The following SEC31A variants were observed in gnomAD, a reference collection of about 807,000 sequenced individuals.
The protein encoded by SEC31A is protein transport protein Sec31A.
SEC31A carries 70 observed loss-of-function variants against 151.0 expected under a neutral mutation model. The observed-to-expected ratio is 0.46, with a 90% CI of 0.38 to 0.57. The LOEUF (loss-of-function observed/expected upper bound fraction) is 0.57. Among genes scored for constraint, SEC31A ranks in the 20% least tolerant of loss-of-function variants. The pLI is 0.00. For missense variants in SEC31A, 1,330 were observed against 1,471.2 expected (o/e 0.90, Z 1.57); for synonymous variants, 475 against 505.9 (o/e 0.94, Z 0.82).
intron 21 of SEC31A, among the ~76,000 whole-genome samples, chr4:82,843,255 T>C (rs974624951): frequency 6.6e-6 from 1 of 151,960 alleles, no homozygotes; most frequent in Non-Finnish European, 1.5e-5. Context: ...CTCAGCCTCC[T>C]GAGTAGCTGG....
At chr4:82,840,085 C>T (rs1728395064) in intron 22 of SEC31A, among the ~76,000 whole-genome samples, 1 of 152,178 alleles carries the variant, frequency 6.6e-6, no homozygotes, top group South Asian at 2.1e-4. Context: ...TATATCTCAA[C>T]TTGGAGACTA....
chr4:82,887,253 G>A (rs1037484741), intron 1 of SEC31A, among the ~76,000 whole-genome samples: 15 of 152,162 alleles, frequency 9.9e-5, no homozygotes, highest in African/African-American at 3.6e-4. Context: ...ATTCATTAAT[G>A]CTTGGTTAAT....
intron 16 of SEC31A, among the ~76,000 whole-genome samples, chr4:82,855,762 G>A (rs188154619): frequency 6.6e-6 from 1 of 152,188 alleles, no homozygotes. Context: ...ACACATGGAG[G>A]GGAACAACAC....
intron 4 of SEC31A, among the ~76,000 whole-genome samples, chr4:82,876,341 C>T (rs1737958430): frequency 6.6e-6 from 1 of 152,122 alleles, no homozygotes; most frequent in Admixed American, 6.5e-5. Flanking sequence ...AACTCCTGAC[C>T]TCAGGTGATC....
rs544557022 is a variant in SEC31A at position 82,838,736 on chromosome 4, A to T, written c.2968+3404T>A. On this transcript the variant is annotated intron_variant, in intron 22 of 26. Coordinates refer to ENST00000395310, the MANE Select transcript of SEC31A (RefSeq NM_001077207.4). ...ATGTATGGTCTTTTCTGCCTCCATT[A>T]TCTCTGTCTGGGATAATTCTGATTG... Among the ~76,000 whole-genome samples the T allele has an allele frequency of 6.6e-5, 10 of 152,320 alleles. No individual in the cohort carries two copies. In the South Asian group the frequency reaches 2.1e-3, roughly 32 times the overall value.
At chr4:82,844,645 G>C (rs1027313541) in intron 20 of SEC31A, 136 bp from the exon 21 acceptor site, 1 of 853,926 alleles carries the variant, frequency 1.2e-6, no homozygotes, top group African/African-American at 1.7e-5. Flanking sequence ...ATTGCATTTT[G>C]CATATTCTAT....
At chr4:82,828,364 A>C (rs1725106484) in intron 23 of SEC31A, among the ~76,000 whole-genome samples, 1 of 152,216 alleles carries the variant, frequency 6.6e-6, no homozygotes, top group African/African-American at 2.4e-5. Flanking sequence ...AAAGTACTAA[A>C]TTCAGTTTCT....
chr4:82,819,031 CT>C lies in SEC31A; in HGVS notation c.*42del. The C allele has an allele frequency of 6.6e-7, 1 of 1,519,480 alleles. No individual in the cohort carries two copies. Among genetic ancestry groups the C allele is most frequent in the Non-Finnish European group, 8.8e-7 (1 of 1,130,222 alleles). The allele number at this position is 1,519,480 out of a possible 1,614,324, so 94.1% of individuals were successfully genotyped here. On this transcript the variant is annotated 3_prime_UTR_variant, in exon 27 of 27. Coordinates refer to ENST00000395310, the MANE Select transcript of SEC31A (RefSeq NM_001077207.4). ...TATAATTTTTTTTTTTAACATGTTT[CT>C]TTGGAAAAATGGCAATATTGAGTGG...
Position 82,854,967 on chromosome 4 carries a change from A to T in SEC31A, c.1944T>A (p.Asn648Lys). ...ATACTGCAGCTAAAGCCTCTCTCCAATTTTTAAGATCACAAGACTCAACAA... is the reference window on the plus strand; with the variant it reads ...ATACTGCAGCTAAAGCCTCTCTCCATTTTTTAAGATCACAAGACTCAACAA... ...KEIVESCDLK[N>K]WREALAAVLT... The change falls in exon 17 of 27, where the codon AAT becomes AAA. Residue 648 changes from asparagine to lysine, a missense_variant. Transcript: ENST00000395310. The T allele has an allele frequency of 6.2e-7, 1 of 1,613,954 alleles. No individual in the cohort carries two copies. Among genetic ancestry groups the T allele is most frequent in the African/African-American group, 1.3e-5 (1 of 75,044 alleles).
chr4:82,835,510 A>G (rs1186829424), intron 22 of SEC31A, among the ~76,000 whole-genome samples: 1 of 152,162 alleles, frequency 6.6e-6, no homozygotes, highest in Non-Finnish European at 1.5e-5. Flanking sequence ...TTAAGAAAAA[A>G]GTAAGGTCAG....
At chr4:82,825,308 C>T (rs938948493) in intron 24 of SEC31A, among the ~76,000 whole-genome samples, 1 of 152,208 alleles carries the variant, frequency 6.6e-6, no homozygotes, top group Non-Finnish European at 1.5e-5. Flanking sequence ...TGAGCCAATA[C>T]AGAAATGATC....
intron 14 of SEC31A, among the ~76,000 whole-genome samples, chr4:82,860,154 T>G (rs1733759986): frequency 1.3e-5 from 2 of 152,108 alleles, no homozygotes; most frequent in South Asian, 2.1e-4. Flanking sequence ...TTATCCTTAT[T>G]TATGGACTTC....
chr4:82,856,140 A>C (rs1732582078), intron 16 of SEC31A, among the ~76,000 whole-genome samples: 1 of 152,052 alleles, frequency 6.6e-6, no homozygotes, highest in Non-Finnish European at 1.5e-5. Context: ...GAAATATTAT[A>C]GAGCAATTAA....
chr4:82,828,673 C>CAAAAAAAAAAAAAAAAAAAAAAA (rs397994259), intron 23 of SEC31A, among the ~76,000 whole-genome samples: 54 of 44,078 alleles, frequency 1.2e-3, no homozygotes, highest in East Asian at 5.5e-3. Context: ...CAAAGTAACT[C>CAAAAAAAAAAAAAAAAAAAAAAA]AAAAAAAAAA....
chr4:82,864,243 T>C (rs1290129342), intron 11 of SEC31A, 119 bp downstream of exon 11: 5 of 722,700 alleles, frequency 6.9e-6, no homozygotes, highest in Non-Finnish European at 1.1e-5. Flanking sequence ...AATTTCATGA[T>C]GAATTGCTGA....
chr4:82,864,778 GT>G (rs747994924), intron 10 of SEC31A, among the ~76,000 whole-genome samples, 180 bp from the exon 11 acceptor site: 231 of 143,682 alleles, frequency 1.6e-3, no homozygotes, highest in South Asian at 6.2e-3. Context: ...TGGTTTTTTG[GT>G]TTTTTTTTTT....
intron 22 of SEC31A, among the ~76,000 whole-genome samples, chr4:82,833,420 A>G (rs1050924149): frequency 7.2e-5 from 11 of 152,148 alleles, no homozygotes; most frequent in Admixed American, 6.5e-4. Flanking sequence ...TAGGGGAGGG[A>G]TAACATTAGG....
chr4:82,819,190 A>C lies in SEC31A; in HGVS notation c.3547T>G (p.Ser1183Ala), dbSNP rs756453882. The change falls in exon 27 of 27, where the codon TCA (serine) becomes GCA (alanine). Residue 1183 changes from serine to alanine, a missense_variant. Physicochemically the swap from Ser to Ala is moderately conservative, Grantham distance 99. Transcript: ENST00000395310. ...TGGGTATGCATGGTCAATCCTTCTG[A>C]GTAGTTTCGAGTTTCAATGCTCCTT... is the stretch of plus-strand genomic sequence containing the variant. ...IARSIETRNY[S>A]EGLTMHTHIV... 6.2e-7 allele frequency: 1 copy of C among 1,612,092 alleles called. No individual in the cohort carries two copies. The highest frequency in any genetic ancestry group is 8.5e-7 in the Non-Finnish European group (1 of 1,179,088).
intron 22 of SEC31A, among the ~76,000 whole-genome samples, chr4:82,835,604 T>C (rs907131848): frequency 5.9e-5 from 9 of 152,306 alleles, no homozygotes; most frequent in Middle Eastern, 3.4e-3. Context: ...GAGACTAGCC[T>C]GACCAACATG....
Sources: gnomAD v4.1 joint callset for allele counts (sites outside exome capture counted in the v4.1 genomes callset) on GRCh38, gnomAD v4.1.1 for gene constraint, MANE v1.5 for transcripts, NCBI Gene and HGNC (gene_info 2026-07-23, HGNC 2026-07-21) for gene names.